Variants in GRIK4 observed in about 807,000 individuals in gnomAD.
The protein encoded by GRIK4 is glutamate ionotropic receptor kainate type subunit 4, also known as glutamate receptor ionotropic, kainate 4.
Under a neutral mutation model 104.9 loss-of-function variants are expected in GRIK4, and 40 were observed. That is an observed-to-expected ratio of 0.38 (90% CI 0.30 to 0.50). The LOEUF (loss-of-function observed/expected upper bound fraction) is 0.50. Ranked by LOEUF, GRIK4 falls within the 20% of genes least tolerant of loss-of-function variation. GRIK4 has a pLI of 0.93. For synonymous variants in GRIK4, 485 were observed against 524.9 expected (o/e 0.92, Z 1.04); for missense variants, 1,047 against 1,308.1 (o/e 0.80, Z 3.08).
chr11:120,945,359 T>G (rs943919015), intron 14 of GRIK4, among the ~76,000 whole-genome samples: 29 of 152,226 alleles, frequency 1.9e-4, no homozygotes, highest in African/African-American at 5.1e-4. Context: ...TTTATCTATC[T>G]CTCCCTTTGT....
At chr11:120,664,229 G>A (rs568667918) in intron 3 of GRIK4, among the ~76,000 whole-genome samples, 20 of 152,284 alleles carry the variant, frequency 1.3e-4, no homozygotes, top group African/African-American at 4.6e-4. Flanking sequence ...GGAGAAAGAG[G>A]AAAAGGAGAA....
intron 1 of GRIK4, among the ~76,000 whole-genome samples, chr11:120,583,369 C>A (rs934049245): frequency 1.3e-4 from 20 of 152,140 alleles, no homozygotes; most frequent in African/African-American, 4.3e-4. Flanking sequence ...TTCCATTTAT[C>A]AATTTTTGTT....
intron 3 of GRIK4, among the ~76,000 whole-genome samples, chr11:120,779,791 G>A (rs939907124): frequency 6.6e-6 from 1 of 152,154 alleles, no homozygotes; most frequent in African/African-American, 2.4e-5. Flanking sequence ...CTCTTAGCTA[G>A]GCAGGTAGTA....
intron 3 of GRIK4, among the ~76,000 whole-genome samples, chr11:120,747,087 A>C (rs2135417433): frequency 6.6e-6 from 1 of 152,330 alleles, no homozygotes; most frequent in Non-Finnish European, 1.5e-5. Context: ...TCCCTGAAAT[A>C]ACAGGTGCGT....
intron 3 of GRIK4, among the ~76,000 whole-genome samples, chr11:120,660,630 A>T (rs546632616): frequency 6.6e-6 from 1 of 152,328 alleles, no homozygotes; most frequent in South Asian, 2.1e-4. Flanking sequence ...AAAGATGCTG[A>T]TAACTCCCTA....
At chr11:120,719,347 G>C (rs1319246806) in intron 3 of GRIK4, among the ~76,000 whole-genome samples, 1 of 152,200 alleles carries the variant, frequency 6.6e-6, no homozygotes, top group Admixed American at 6.5e-5. Context: ...TGTGTGAGGG[G>C]TTAACCAGGT....
chr11:120,955,810 CT>C lies in GRIK4; in HGVS notation c.1701-957del, dbSNP rs11451797. On this transcript the variant is annotated intron_variant, in intron 15 of 20. Transcript: ENST00000527524. The stretch of plus-strand genomic sequence containing the variant: ...GGAGTGGAACTCAAGCAGCAGCATT[CT>C]TTTTTTTTTTTTGAAAGGCTCTGGG... Among the ~76,000 whole-genome samples the C allele has an allele frequency of 1.8e-3, 267 of 146,516 alleles. 1 individual carries two copies. The highest frequency in any genetic ancestry group is 7.1e-3 in the Middle Eastern group (2 of 280).
intron 3 of GRIK4, among the ~76,000 whole-genome samples, chr11:120,799,824 T>A (rs967061152): frequency 6.6e-6 from 1 of 152,162 alleles, no homozygotes; most frequent in Non-Finnish European, 1.5e-5. Flanking sequence ...TTCCTTGTTG[T>A]ACAGCTTGGC....
At chr11:120,947,858 C>T (rs930640567) in intron 14 of GRIK4, among the ~76,000 whole-genome samples, 1 of 152,180 alleles carries the variant, frequency 6.6e-6, no homozygotes, top group African/African-American at 2.4e-5. Context: ...CACCACTCAG[C>T]AAGTCCAGGT....
chr11:120,630,541 G>A (rs1274155346), intron 1 of GRIK4, among the ~76,000 whole-genome samples: 1 of 152,190 alleles, frequency 6.6e-6, no homozygotes, highest in Non-Finnish European at 1.5e-5. Context: ...GCAAAGAAAA[G>A]CAGACGCCGG....
intron 14 of GRIK4, among the ~76,000 whole-genome samples, chr11:120,942,088 CTG>C (rs1943739155): frequency 6.6e-6 from 1 of 152,216 alleles, no homozygotes. Context: ...TGCCACCCTC[CTG>C]TGTGTGGTCT....
intron 5 of GRIK4, 133 bp downstream of exon 5, chr11:120,815,608 A>G (rs544967074): frequency 1.8e-6 from 1 of 554,044 alleles, no homozygotes; most frequent in Admixed American, 3.9e-5. Context: ...AACAACATAA[A>G]TACAAATACA....
intron 3 of GRIK4, among the ~76,000 whole-genome samples, chr11:120,754,720 G>A (rs1483123406): frequency 2.0e-5 from 3 of 152,122 alleles, no homozygotes; most frequent in African/African-American, 7.2e-5. Context: ...ATGTATGAGG[G>A]TTCTAATTTC....
intron 1 of GRIK4, among the ~76,000 whole-genome samples, chr11:120,545,636 T>A (rs1948078762): frequency 6.6e-6 from 1 of 152,212 alleles, no homozygotes; most frequent in South Asian, 2.1e-4. Context: ...ACCATTTGAC[T>A]CTAGGGCCCA....
At chr11:120,984,820 C>CTTTTTTT (rs569201252) in intron 20 of GRIK4, among the ~76,000 whole-genome samples, 1 of 115,810 alleles carries the variant, frequency 8.6e-6, no homozygotes, top group Non-Finnish European at 1.8e-5. Flanking sequence ...CATCTATATT[C>CTTTTTTT]TTTTTTTTTT....
At position 120,952,751 on chromosome 11, in the gene GRIK4, G is replaced by A. The variant is rs1944032513; in HGVS notation, c.1591-104G>A. On this transcript the variant is annotated intron_variant, in intron 14 of 20. Transcript: ENST00000527524. The surrounding 1 kb of genome is among the most constrained non-coding windows in gnomAD (Gnocchi z 5.2). ...CCCAGAACCCACAGAAATGGGAACT[G>A]GGGCCAGACCCACACTCACTACCTC... 2 of 792,968 alleles carry A rather than the reference G, an allele frequency of 2.5e-6. No individual in the cohort carries two copies. The highest frequency in any genetic ancestry group is 3.5e-5 in the Admixed American group (2 of 56,662). The allele number at this position is 792,968 out of a possible 1,614,324, so 49.1% of individuals were successfully genotyped here.
intron 1 of GRIK4, among the ~76,000 whole-genome samples, chr11:120,532,334 G>C (rs1947932230): frequency 6.6e-6 from 1 of 152,292 alleles, no homozygotes; most frequent in East Asian, 1.9e-4. Context: ...CTTGTGCCCG[G>C]GGGTCCGCCC....
chr11:120,916,376 C>T (rs974240950), intron 13 of GRIK4, among the ~76,000 whole-genome samples: 1 of 152,144 alleles, frequency 6.6e-6, no homozygotes, highest in Non-Finnish European at 1.5e-5. Flanking sequence ...TCGTAAATGA[C>T]TAGGAAGGTA....
chr11:120,784,396 A>G (rs1389234739), intron 3 of GRIK4, among the ~76,000 whole-genome samples: 3 of 152,144 alleles, frequency 2.0e-5, no homozygotes, highest in East Asian at 1.9e-4. Flanking sequence ...TTTTCTACCC[A>G]TATTCTTGCA....
Sources: allele counts gnomAD v4.1 joint callset (sites outside exome capture counted in the v4.1 genomes callset), GRCh38; gene constraint gnomAD v4.1.1; non-coding constraint Gnocchi (gnomAD v3.1); transcripts MANE v1.5; gene names NCBI Gene and HGNC (gene_info 2026-07-23, HGNC 2026-07-21).